Variants in ZNF83 observed in about 807,000 individuals in gnomAD.
ZNF83 encodes the protein zinc finger protein 83, also known as zinc finger protein 816B.
For synonymous variants in ZNF83, 209 were observed against 213.0 expected, an observed-to-expected ratio of 0.98 and a Z score of 0.17; for missense variants, 552 against 629.9, an observed-to-expected ratio of 0.88 and a Z score of 1.32.
intron 3 of ZNF83, among the ~76,000 whole-genome samples, chr19:52,648,008 T>C (rs1034667317): frequency 6.6e-5 from 10 of 151,946 alleles, no homozygotes; most frequent in Middle Eastern, 3.2e-3. Flanking sequence ...CTGTCTGTCC[T>C]GGCTGCAAAT....
chr19:52,643,407 A>C (rs1048404792), intron 3 of ZNF83, among the ~76,000 whole-genome samples: 3 of 151,884 alleles, frequency 2.0e-5, no homozygotes, highest in African/African-American at 4.8e-5. Flanking sequence ...CAGAGATAAA[A>C]ATCCTGAGCA....
rs1555791128 is a variant in ZNF83, at chr19:52,677,329, A to AAAAAAAT, written c.-283+13113_-283+13114insATTTTTT. ...AGTAAAAAAAAAAAAAAAAAAAAAA[A>AAAAAAAT]ACAAAAATTAGCCGGGTGTGGTGGT... On this transcript the variant is annotated intron_variant, in intron 1 of 5. Transcript: ENST00000594682. Among the ~76,000 whole-genome samples, 11 of 129,116 alleles carry AAAAAAAT rather than the reference A, an allele frequency of 8.5e-5. 2 individuals are homozygous for AAAAAAAT. Among genetic ancestry groups the AAAAAAAT allele is most frequent in the South Asian group, 2.4e-4 (1 of 4,234 alleles). 84.7% of individuals were successfully genotyped at this position (129,116 alleles called of 152,430 possible). A position where few individuals can be genotyped will look rare whatever the true frequency, so the allele number is the denominator to read the frequency against.
chr19:52,620,097 T>A (rs956237106), intron 2 of ZNF83, among the ~76,000 whole-genome samples: 4 of 152,104 alleles, frequency 2.6e-5, no homozygotes, highest in African/African-American at 9.7e-5. Context: ...ACATTTTTTA[T>A]ATATATGTCC....
chr19:52,650,227 G>A (rs1342484854), intron 3 of ZNF83, among the ~76,000 whole-genome samples: 3 of 150,776 alleles, frequency 2.0e-5, no homozygotes, highest in Admixed American at 1.3e-4. Context: ...AAATTTAAAG[G>A]TGGGACCAAA....
At chr19:52,669,073 C>T (rs2061690282) in intron 1 of ZNF83, among the ~76,000 whole-genome samples, 2 of 152,320 alleles carry the variant, frequency 1.3e-5, no homozygotes, top group African/African-American at 4.8e-5. Context: ...ATCAGCCACT[C>T]TTTATTCATC....
intron 2 of ZNF83, among the ~76,000 whole-genome samples, chr19:52,634,006 G>A (rs1048968511): frequency 4.6e-5 from 7 of 151,374 alleles, no homozygotes; most frequent in South Asian, 2.1e-4. Context: ...ACCGTGGCTC[G>A]CGCCTGTAAT....
chr19:52,653,940 C>G (rs2061475693), intron 3 of ZNF83: 3 of 1,146,536 alleles, frequency 2.6e-6, no homozygotes, highest in Non-Finnish European at 3.9e-6. Flanking sequence ...GGATTTGTGT[C>G]AATAATGAAG....
chr19:52,637,548 G>A (rs1469689263), intron 1 of ZNF83, among the ~76,000 whole-genome samples: 2 of 150,476 alleles, frequency 1.3e-5, no homozygotes, highest in Admixed American at 1.3e-4. Context: ...TTTCACTTTT[G>A]CTGTCTCTTG....
chr19:52,643,662 T>C (rs750136689), intron 3 of ZNF83, among the ~76,000 whole-genome samples: 10 of 151,744 alleles, frequency 6.6e-5, no homozygotes, highest in Non-Finnish European at 1.2e-4. Context: ...GATTGTGCCA[T>C]TGCACTCCAG....
rs193057512 is a variant in ZNF83 at position 52,620,815 on chromosome 19, T to A, written c.-233-6018A>T. Among the ~76,000 whole-genome samples, 136 of 152,298 alleles carry A rather than the reference T, an allele frequency of 8.9e-4. 1 individual carries two copies. The highest frequency in any genetic ancestry group is 1.5e-3 in the Admixed American group (23 of 15,290). ...AACCTTATGACTTTCCATTATGACTTGTTTCTGCCCTGCCCCAACTGACCA... is the reference window on the plus strand; with the variant it reads ...AACCTTATGACTTTCCATTATGACTAGTTTCTGCCCTGCCCCAACTGACCA... On this transcript the variant is annotated intron_variant, in intron 2 of 2. Coordinates refer to ENST00000301096, the Ensembl canonical transcript of ZNF83.
At chr19:52,671,209 T>C (rs150752008) in intron 1 of ZNF83, among the ~76,000 whole-genome samples, 1 of 152,296 alleles carries the variant, frequency 6.6e-6, no homozygotes, top group East Asian at 1.9e-4. Flanking sequence ...TTGTAAGGCA[T>C]GACCCCCTAG....
intron 3 of ZNF83, among the ~76,000 whole-genome samples, chr19:52,648,866 G>C (rs962768999): frequency 6.6e-5 from 10 of 152,262 alleles, no homozygotes; most frequent in African/African-American, 1.9e-4. Flanking sequence ...AACAAGCCCT[G>C]TTCTAGTCAC....
intron 1 of ZNF83, among the ~76,000 whole-genome samples, chr19:52,666,089 G>A (rs191451971): frequency 3.0e-4 from 46 of 151,480 alleles, no homozygotes; most frequent in East Asian, 7.8e-4. Context: ...GTGTGAACCC[G>A]GGAGGCGGAG....
rs150757946 is a variant in ZNF83 at position 52,619,063 on chromosome 19, C to G, written c.-233-4266G>C. 2.1e-5 allele frequency: 34 copies of G among 1,612,728 alleles called. No individual in the cohort carries two copies. The Middle Eastern group carries it at 8.3e-4, about 39-fold the overall frequency. ...CCACATCCCTGAATGTCAATAGACC[C>G]TGAAATGAAAACACATTTTAACCAA... is the stretch of plus-strand genomic sequence containing the variant. On this transcript the variant is annotated intron_variant, in intron 2 of 2. Transcript: ENST00000301096.
At chr19:52,689,923 G>C (rs1331091154) in intron 1 of ZNF83, among the ~76,000 whole-genome samples, 1 of 152,244 alleles carries the variant, frequency 6.6e-6, no homozygotes, top group African/African-American at 2.4e-5. Flanking sequence ...GAGAAGCGGT[G>C]ACTGCGGAGG....
At chr19:52,672,172 T>G (rs905282807) in intron 1 of ZNF83, among the ~76,000 whole-genome samples, 3 of 152,100 alleles carry the variant, frequency 2.0e-5, no homozygotes, top group African/African-American at 7.2e-5. Flanking sequence ...AGGCAGAGGT[T>G]GCAGTGAGCA....
intron 2 of ZNF83, among the ~76,000 whole-genome samples, chr19:52,657,168 A>T (rs989462788): frequency 2.0e-5 from 3 of 152,018 alleles, no homozygotes; most frequent in African/African-American, 7.2e-5. Flanking sequence ...AACTTCAAGA[A>T]ATCATAAATG....
At chr19:52,684,315 G>A (rs561274935) in intron 1 of ZNF83, among the ~76,000 whole-genome samples, 14 of 150,640 alleles carry the variant, frequency 9.3e-5, no homozygotes, top group African/African-American at 2.7e-4. Flanking sequence ...GTAGTGAGCC[G>A]AGATCACACC....
chr19:52,645,117 C>T (rs563877245), intron 3 of ZNF83, among the ~76,000 whole-genome samples: 1 of 151,358 alleles, frequency 6.6e-6, no homozygotes, highest in Non-Finnish European at 1.5e-5. Flanking sequence ...CTGAGGGAAA[C>T]ATGCACTTAA....
Sources: allele counts gnomAD v4.1 joint callset (sites outside exome capture counted in the v4.1 genomes callset), GRCh38; gene constraint gnomAD v4.1.1; transcripts MANE v1.5; gene names NCBI Gene and HGNC (gene_info 2026-07-23, HGNC 2026-07-21).